MAP4K4: variants seen among roughly 807,000 people sequenced by gnomAD.
The protein encoded by MAP4K4 is mitogen-activated protein kinase kinase kinase kinase 4, also known as HPK/GCK-like kinase HGK.
MAP4K4 carries 38 observed loss-of-function variants against 189.6 expected under a neutral mutation model. The observed-to-expected ratio is 0.20, with a 90% confidence interval of 0.15 to 0.26. The LOEUF is 0.26. Ranked by LOEUF, MAP4K4 falls within the 10% of genes least tolerant of loss-of-function variation. The pLI, the probability that MAP4K4 is intolerant of heterozygous loss-of-function variation, is 1.00. For missense variants in MAP4K4, 1,054 were observed against 1,726.9 expected (o/e 0.61, Z 6.91); for synonymous variants, 610 against 624.3 (o/e 0.98, Z 0.34).
intron 2 of MAP4K4, among the ~76,000 whole-genome samples, chr2:101,711,197 A>T (rs62155716): frequency 0.25 from 37,560 of 152,176 alleles, 5,509 homozygotes; most frequent in Non-Finnish European, 0.31. Context: ...GCTGAAAGGG[A>T]CCTCTGTAAA....
At chr2:101,874,852 G>A (rs2098154615) in intron 26 of MAP4K4, among the ~76,000 whole-genome samples, 1 of 152,152 alleles carries the variant, frequency 6.6e-6, no homozygotes, top group South Asian at 2.1e-4. Context: ...GAGTGTAAGT[G>A]CCACAATACC....
chr2:101,828,670 C>T (rs554607115), intron 5 of MAP4K4, among the ~76,000 whole-genome samples: 1 of 152,330 alleles, frequency 6.6e-6, no homozygotes, highest in Admixed American at 6.5e-5. Flanking sequence ...ATAACCCTTA[C>T]TTATAATCTG....
intron 3 of MAP4K4, among the ~76,000 whole-genome samples, chr2:101,818,482 T>C (rs1419947702): frequency 2.0e-5 from 3 of 152,208 alleles, no homozygotes; most frequent in African/African-American, 7.2e-5. Flanking sequence ...CCAGTCCTCT[T>C]GGATTCCAGT....
At chr2:101,836,977 TC>T (rs2096775381) in intron 9 of MAP4K4, among the ~76,000 whole-genome samples, 1 of 152,146 alleles carries the variant, frequency 6.6e-6, no homozygotes, top group African/African-American at 2.4e-5. Flanking sequence ...CTCCTGAATT[TC>T]TTTCTGGGTC....
At chr2:101,857,595 G>T in intron 13 of MAP4K4, among the ~76,000 whole-genome samples, 1 of 152,172 alleles carries the variant, frequency 6.6e-6, no homozygotes, top group South Asian at 2.1e-4. Context: ...AGCCTTGCTA[G>T]GGTAGGTATT....
intron 2 of MAP4K4, among the ~76,000 whole-genome samples, chr2:101,728,327 A>G (rs998127440): frequency 1.2e-4 from 19 of 152,154 alleles, no homozygotes; most frequent in African/African-American, 4.1e-4. Flanking sequence ...CTGCATTTCT[A>G]ACAAATTATG....
intron 5 of MAP4K4, among the ~76,000 whole-genome samples, chr2:101,827,212 CT>C (rs2096401294): frequency 6.6e-6 from 1 of 152,136 alleles, no homozygotes; most frequent in Non-Finnish European, 1.5e-5. Context: ...GAATGAACAT[CT>C]TTTTGAGACG....
chr2:101,887,928 A>G, exon 31 of MAP4K4: 1 of 1,604,158 alleles, frequency 6.2e-7, no homozygotes, highest in Non-Finnish European at 8.5e-7. Flanking sequence ...AGAGATGCCT[A>G]CATCAGTAGG....
At chr2:101,868,290 T>A (rs2097876349) in intron 21 of MAP4K4, among the ~76,000 whole-genome samples, 1 of 152,204 alleles carries the variant, frequency 6.6e-6, no homozygotes, top group South Asian at 2.1e-4. Context: ...ATAGCAAGAC[T>A]CAGAGCCCAT....
chr2:101,738,066 G>A (rs1012096155), intron 2 of MAP4K4, among the ~76,000 whole-genome samples: 7 of 152,138 alleles, frequency 4.6e-5, no homozygotes, highest in African/African-American at 1.7e-4. Flanking sequence ...CCTATTTCTG[G>A]ACCATGTTGC....
chr2:101,857,299 T>C (rs1045730507), intron 13 of MAP4K4, among the ~76,000 whole-genome samples: 5 of 152,218 alleles, frequency 3.3e-5, no homozygotes, highest in African/African-American at 1.2e-4. Flanking sequence ...TATTGTGAAA[T>C]AGTAATTCCC....
At chr2:101,776,342 C>T (rs1284044532) in intron 2 of MAP4K4, among the ~76,000 whole-genome samples, 1 of 152,056 alleles carries the variant, frequency 6.6e-6, no homozygotes, top group Non-Finnish European at 1.5e-5. Context: ...TTTTCAGGTT[C>T]ACGTGTGAGC....
intron 7 of MAP4K4, 126 bp from the exon 8 acceptor site, chr2:101,834,283 G>T: frequency 2.0e-6 from 1 of 493,854 alleles, no homozygotes; most frequent in Non-Finnish European, 3.9e-6. Flanking sequence ...AAATGTGCTT[G>T]TACTTTTAAT....
chr2:101,744,199 T>C (rs1015929452), intron 2 of MAP4K4, among the ~76,000 whole-genome samples: 2 of 152,192 alleles, frequency 1.3e-5, no homozygotes, highest in African/African-American at 2.4e-5. Flanking sequence ...TTTTCCAGTG[T>C]ATGCATAAAA....
intron 7 of MAP4K4, 119 bp from the exon 8 acceptor site, chr2:101,834,290 T>A: frequency 1.5e-6 from 1 of 685,268 alleles, no homozygotes; most frequent in Admixed American, 2.1e-5. Flanking sequence ...CTTGTACTTT[T>A]AATTTTCTGG....
At position 101,840,009 on chromosome 2, in the gene MAP4K4, T is replaced by C. The variant is rs771043815; in HGVS notation, c.949+15T>C. On this transcript the variant is annotated intron_variant, in intron 10 of 32. Transcript: ENST00000324219. ...AGGCGAGAAAGGTACTAAGCCTGTT[T>C]TTGTTTTCATCCTTTAAAATTTTTA... The C allele has an allele frequency of 1.9e-6, 3 of 1,574,580 alleles. No individual in the cohort carries two copies. The highest frequency in any genetic ancestry group is 2.6e-6 in the Non-Finnish European group (3 of 1,166,250).
At position 101,790,702 on chromosome 2, in the gene MAP4K4, A is replaced by AT. The variant is rs777353616; in HGVS notation, c.124-12dup. On this transcript the variant is annotated splice_polypyrimidine_tract_variant and intron_variant, in intron 2 of 32. Transcript: ENST00000324219. The stretch of plus-strand genomic sequence containing the variant: ...AAAAATTGGTGCTGATTTTTGATCT[A>AT]TTTTTTCTGTTTTTCAGGGTCGACA... 4.6e-5 allele frequency: 74 copies of AT among 1,597,122 alleles called. No individual in the cohort carries two copies. The East Asian group carries it at 1.3e-3, about 27-fold the overall frequency.
chr2:101,827,605 G>A (rs1433098096), intron 5 of MAP4K4, among the ~76,000 whole-genome samples: 2 of 152,276 alleles, frequency 1.3e-5, no homozygotes, highest in Middle Eastern at 3.4e-3. Context: ...CAGACCCTTC[G>A]AATGGGGAGG....
chr2:101,706,349 C>T (rs62155713), intron 2 of MAP4K4, among the ~76,000 whole-genome samples: 1 of 152,070 alleles, frequency 6.6e-6, no homozygotes, highest in South Asian at 2.1e-4. Context: ...GTGGGCATAC[C>T]ATAATTTTGG....
Sources: gnomAD v4.1 joint callset for allele counts (sites outside exome capture counted in the v4.1 genomes callset) on GRCh38, gnomAD v4.1.1 for gene constraint, MANE v1.5 for transcripts, NCBI Gene and HGNC (gene_info 2026-07-23, HGNC 2026-07-21) for gene names.